The following CLEC16A variants were observed in gnomAD, a reference collection of about 807,000 sequenced individuals.
The protein encoded by CLEC16A is C-type lectin domain containing 16A.
Under a neutral mutation model 109.5 loss-of-function variants are expected in CLEC16A, and 51 were observed. That is an observed-to-expected ratio of 0.47 (90% CI 0.37 to 0.59). CLEC16A has a LOEUF of 0.59. CLEC16A is among the 20% of genes least tolerant of loss of function. The pLI, the probability that CLEC16A is intolerant of heterozygous loss-of-function variation, is 0.00. For synonymous variants in CLEC16A, 673 were observed against 564.2 expected, an observed-to-expected ratio of 1.19 and a Z score of -2.73; for missense variants, 1,339 against 1,394.0, an observed-to-expected ratio of 0.96 and a Z score of 0.63.
intron 12 of CLEC16A, among the ~76,000 whole-genome samples, chr16:11,021,752 GCA>G (rs2046112858): frequency 6.6e-6 from 1 of 152,158 alleles, no homozygotes; most frequent in Admixed American, 6.5e-5. Context: ...CACTATGATT[GCA>G]CCACTGCACT....
intron 22 of CLEC16A, among the ~76,000 whole-genome samples, chr16:11,140,925 G>A (rs369589423): frequency 9.8e-5 from 15 of 152,364 alleles, no homozygotes; most frequent in African/African-American, 3.1e-4. Flanking sequence ...TGGGGCTGAT[G>A]ATAGGACCTG....
At chr16:11,138,388 G>T (rs533579221) in intron 22 of CLEC16A, among the ~76,000 whole-genome samples, 4 of 152,336 alleles carry the variant, frequency 2.6e-5, no homozygotes, top group South Asian at 2.1e-4. Context: ...TTGTGAGCTT[G>T]CCCCATGGTT....
intron 19 of CLEC16A, among the ~76,000 whole-genome samples, chr16:11,084,848 C>T (rs2049924319): frequency 6.6e-6 from 1 of 152,242 alleles, no homozygotes; most frequent in Admixed American, 6.5e-5. Flanking sequence ...AAGAGGTAGC[C>T]GGGGCTGGGT....
Position 10,999,464 on chromosome 16 carries a change from C to A in CLEC16A, c.1072-3610C>A, listed in dbSNP as rs9934231. Among the ~76,000 whole-genome samples, 97 of 152,060 alleles carry A rather than the reference C, an allele frequency of 6.4e-4. No individual in the cohort carries two copies. In the East Asian group the frequency reaches 0.017, roughly 26 times the overall value. On this transcript the variant is annotated intron_variant, in intron 10 of 23. Transcript: ENST00000409790. ...TGAAAGGGACCCTACTGCCTACTCC[C>A]TTCCTGCATTTTCATCCTGGTGCTG...
chr16:10,969,419 G>C, intron 4 of CLEC16A, 110 bp downstream of exon 4: 1 of 683,680 alleles, frequency 1.5e-6, no homozygotes, highest in Non-Finnish European at 2.3e-6. Context: ...TGTTTACAAA[G>C]CTCTTATATG....
intron 11 of CLEC16A, among the ~76,000 whole-genome samples, chr16:11,018,634 A>G (rs1193136309): frequency 2.0e-5 from 3 of 151,968 alleles, no homozygotes; most frequent in African/African-American, 7.3e-5. Context: ...CTGTAGTCCC[A>G]GCTACTCAGG....
chr16:11,018,289 G>GAA lies in CLEC16A; in HGVS notation c.1304-1889_1304-1888dup, dbSNP rs34388528. On this transcript the variant is annotated intron_variant, in intron 11 of 23. Transcript: ENST00000409790. ...CAGAGCAAGACCCTGTCTCAAAAAA[G>GAA]AAAAAAAAAAAAAAAACAGGTGAAG... Among the ~76,000 whole-genome samples, 17 of 111,900 alleles carry GAA rather than the reference G, an allele frequency of 1.5e-4. No homozygotes were observed. In the East Asian group the frequency reaches 3.2e-3, roughly 21 times the overall value. 73.4% of individuals were successfully genotyped at this position (111,900 alleles called of 152,430 possible).
chr16:11,077,954 CA>C (rs1186940938), intron 19 of CLEC16A, among the ~76,000 whole-genome samples: 1 of 133,078 alleles, frequency 7.5e-6, no homozygotes, highest in African/African-American at 2.9e-5. Flanking sequence ...TCCATCTCTA[CA>C]AAAAAAAACG....
At chr16:10,958,355 G>T (rs1246164319) in intron 2 of CLEC16A, among the ~76,000 whole-genome samples, 3 of 152,130 alleles carry the variant, frequency 2.0e-5, no homozygotes, top group Admixed American at 6.6e-5. Flanking sequence ...CATGGTAGAG[G>T]CCCTGTTGGT....
At chr16:11,027,651 C>T (rs535040114) in intron 13 of CLEC16A, 3 of 1,547,966 alleles carry the variant, frequency 1.9e-6, no homozygotes, top group Admixed American at 1.7e-5. Flanking sequence ...GCGCCCTTTC[C>T]ACCTCTCAGT....
At chr16:11,034,472 A>T (rs1433661427) in intron 13 of CLEC16A, among the ~76,000 whole-genome samples, 1 of 152,220 alleles carries the variant, frequency 6.6e-6, no homozygotes, top group Non-Finnish European at 1.5e-5. Context: ...AAGAATCCAG[A>T]TATCAGAACT....
chr16:10,962,427 C>G, intron 2 of CLEC16A, 28 bp from the exon 3 acceptor site: 1 of 1,613,592 alleles, frequency 6.2e-7, no homozygotes, highest in Non-Finnish European at 8.5e-7. Context: ...GGAAGCAAGC[C>G]ACTGATGCTT....
chr16:11,163,609 C>A (rs1035130253), intron 22 of CLEC16A, among the ~76,000 whole-genome samples: 1 of 152,366 alleles, frequency 6.6e-6, no homozygotes, highest in East Asian at 1.9e-4. Context: ...AGCTTCTCAT[C>A]TGCTACCCTA....
At chr16:11,099,512 C>G (rs140428310) in intron 19 of CLEC16A, among the ~76,000 whole-genome samples, 2 of 152,242 alleles carry the variant, frequency 1.3e-5, no homozygotes, top group African/African-American at 2.4e-5. Flanking sequence ...CTGTACTAGA[C>G]AGCATGGTCG....
chr16:11,031,545 C>T (rs1597126309), intron 13 of CLEC16A, among the ~76,000 whole-genome samples: 1 of 152,300 alleles, frequency 6.6e-6, no homozygotes, highest in African/African-American at 2.4e-5. Context: ...AAATTGAATT[C>T]CTTCTCCCAT....
chr16:11,161,130 A>G (rs137959306), intron 22 of CLEC16A, among the ~76,000 whole-genome samples: 23 of 152,352 alleles, frequency 1.5e-4, no homozygotes, highest in African/African-American at 4.1e-4. Flanking sequence ...AAAGTGAACA[A>G]AACCCTCTTA....
At chr16:10,996,243 T>C (rs940373032) in intron 10 of CLEC16A, among the ~76,000 whole-genome samples, 4 of 152,156 alleles carry the variant, frequency 2.6e-5, no homozygotes, top group African/African-American at 9.7e-5. Flanking sequence ...AAGAACCCCT[T>C]TGTGAGCAGC....
intron 2 of CLEC16A, among the ~76,000 whole-genome samples, 181 bp downstream of exon 2, chr16:10,958,091 C>T (rs1194068997): frequency 1.3e-5 from 2 of 149,734 alleles, no homozygotes; most frequent in East Asian, 1.9e-4. Context: ...TATAGAAATG[C>T]AAGCCAAAAA....
intron 18 of CLEC16A, among the ~76,000 whole-genome samples, chr16:11,055,718 G>A (rs1204978216): frequency 6.7e-6 from 1 of 148,612 alleles, no homozygotes; most frequent in Non-Finnish European, 1.5e-5. Flanking sequence ...CTCTACAGTA[G>A]CATGAGCCAC....
Sources: allele counts gnomAD v4.1 joint callset (sites outside exome capture counted in the v4.1 genomes callset), GRCh38; gene constraint gnomAD v4.1.1; transcripts MANE v1.5; gene names NCBI Gene and HGNC (gene_info 2026-07-23, HGNC 2026-07-21).